The following SESN1 variants were observed in gnomAD, a reference collection of about 807,000 sequenced individuals.
SESN1 encodes sestrin 1.
SESN1 carries 30 observed loss-of-function variants against 59.3 expected under a neutral mutation model. The ratio of observed to expected loss-of-function variants is 0.51; its 90% confidence interval spans 0.38 to 0.69. The LOEUF (loss-of-function observed/expected upper bound fraction) is 0.69, where lower values mean the gene tolerates loss of function less well. SESN1 is among the 30% of genes least tolerant of loss of function. The probability of loss-of-function intolerance (pLI) is 0.00; values close to 1 mark genes in which losing one functional copy is unlikely to be tolerated. For synonymous variants in SESN1, 197 were observed against 219.9 expected, an observed-to-expected ratio of 0.90 and a Z score of 0.92; for missense variants, 566 against 673.0, an observed-to-expected ratio of 0.84 and a Z score of 1.76.
chr6:109,048,624 G>C lies in SESN1; in HGVS notation c.279+45171C>G, dbSNP rs141924323. 1.1e-3 allele frequency among the ~76,000 whole-genome samples: 161 copies of C among 152,236 alleles called. 1 individual carries two copies. Among genetic ancestry groups the C allele is most frequent in the African/African-American group, 3.5e-3 (146 of 41,538 alleles). On this transcript the variant is annotated intron_variant, in intron 1 of 9. Coordinates refer to ENST00000436639, the MANE Select transcript of SESN1 (RefSeq NM_014454.3). ...GGGGATAATATGGTGACAAGCCTGTGGGTAGATGGCCACAAGTAGGAGAAT... is the reference window on the plus strand; with the variant it reads ...GGGGATAATATGGTGACAAGCCTGTCGGTAGATGGCCACAAGTAGGAGAAT...
intron 8 of SESN1, among the ~76,000 whole-genome samples, chr6:108,989,521 AGAT>A (rs1779306515): frequency 6.7e-6 from 1 of 149,374 alleles, no homozygotes; most frequent in Non-Finnish European, 1.5e-5. Flanking sequence ...ATATATAGAG[AGAT>A]ATCTATAGAG....
intron 1 of SESN1, among the ~76,000 whole-genome samples, chr6:109,008,540 G>T (rs1219024320): frequency 1.3e-5 from 2 of 152,072 alleles, no homozygotes; most frequent in African/African-American, 4.8e-5. Context: ...CTCCATTAAA[G>T]AAATCACGAA....
At chr6:109,009,365 C>T (rs1193621348) in intron 1 of SESN1, 1 of 1,469,652 alleles carries the variant, frequency 6.8e-7, no homozygotes, top group African/African-American at 1.5e-5. Flanking sequence ...GTACCTCGTC[C>T]TGGTCGCGGC....
chr6:108,991,663 C>T (rs1182717715), intron 7 of SESN1, among the ~76,000 whole-genome samples: 1 of 152,150 alleles, frequency 6.6e-6, no homozygotes, highest in Non-Finnish European at 1.5e-5. Flanking sequence ...ATCTCCTTGC[C>T]TCCTTTCTTT....
chr6:109,029,325 T>TG (rs1780146171), intron 1 of SESN1, among the ~76,000 whole-genome samples: 1 of 152,222 alleles, frequency 6.6e-6, no homozygotes, highest in Non-Finnish European at 1.5e-5. Flanking sequence ...ACCAAAAAGT[T>TG]GGTCTCCAGA....
chr6:109,062,149 C>T (rs2114455707), intron 1 of SESN1, among the ~76,000 whole-genome samples: 1 of 152,286 alleles, frequency 6.6e-6, no homozygotes, highest in South Asian at 2.1e-4. Context: ...CTCAGCCTCC[C>T]AGGTAGCTGG....
chr6:109,083,395 C>G (rs1287655910), intron 1 of SESN1, among the ~76,000 whole-genome samples: 1 of 152,132 alleles, frequency 6.6e-6, no homozygotes, highest in Non-Finnish European at 1.5e-5. Context: ...AAATACATAG[C>G]CTTTTCTTTC....
intron 1 of SESN1, among the ~76,000 whole-genome samples, chr6:109,017,784 A>G (rs576388402): frequency 4.8e-4 from 73 of 152,340 alleles, no homozygotes; most frequent in Non-Finnish European, 8.8e-4. Flanking sequence ...AAACCTCTCT[A>G]GTTGTAATCC....
chr6:109,008,993 C>T (rs760385325), intron 1 of SESN1: 21 of 1,018,334 alleles, frequency 2.1e-5, no homozygotes, highest in Non-Finnish European at 2.3e-5. Context: ...GTTTCACCCT[C>T]AAGACTCGAG....
chr6:108,988,574 C>A lies in SESN1; in HGVS notation c.1538G>T (p.Ser513Ile). Residue 513 changes from serine (S) to isoleucine (I), a missense_variant, in exon 9 of 10, where the codon AGC becomes ATC. By Grantham distance (142) the Ser-to-Ile change is moderately radical. Coordinates refer to ENST00000436639, the MANE Select transcript of SESN1 (RefSeq NM_014454.3). The part of the protein sequence containing the change: ...PEKVTKRMYD[S>I]FWRQFKHSEK... Reference sequence around the variant, plus strand: ...AGAGTGCTTGAACTGCCTCCAGAAGCTATCATACATTCTTTTGGTAACCTT... The same window carrying A: ...AGAGTGCTTGAACTGCCTCCAGAAGATATCATACATTCTTTTGGTAACCTT... 1 of 1,612,486 alleles carries A rather than the reference C, an allele frequency of 6.2e-7. No homozygotes were observed. Among genetic ancestry groups the A allele is most frequent in the Non-Finnish European group, 8.5e-7 (1 of 1,179,384 alleles).
rs562206913 is a variant in SESN1, at chr6:109,076,365, T to G, written c.279+17430A>C. Among the ~76,000 whole-genome samples, 14 of 152,350 alleles carry G rather than the reference T, an allele frequency of 9.2e-5. No individual in the cohort carries two copies. In the South Asian group the frequency reaches 2.7e-3, roughly 29 times the overall value. ...AAGTTTTCAATACAGTATAAGTGTATGAGTTTGAATGTCAAGCATAGTAAC... is the reference window on the plus strand; with the variant it reads ...AAGTTTTCAATACAGTATAAGTGTAGGAGTTTGAATGTCAAGCATAGTAAC... On this transcript the variant is annotated intron_variant, in intron 1 of 9. Transcript: ENST00000436639.
chr6:109,074,443 T>C (rs1297795152), intron 1 of SESN1, among the ~76,000 whole-genome samples: 1 of 152,210 alleles, frequency 6.6e-6, no homozygotes, highest in Non-Finnish European at 1.5e-5. Flanking sequence ...TTCTCTGTCA[T>C]TGAAAAGCTC....
intron 1 of SESN1, among the ~76,000 whole-genome samples, chr6:109,026,854 A>G (rs1780102646): frequency 6.6e-6 from 1 of 151,972 alleles, no homozygotes; most frequent in African/African-American, 2.4e-5. Flanking sequence ...TAGTTGTACC[A>G]TTTTATATTA....
At chr6:108,998,779 T>C (rs1779555144) in intron 4 of SESN1, 24 bp from the exon 5 acceptor site, 2 of 1,587,468 alleles carry the variant, frequency 1.3e-6, no homozygotes, top group Admixed American at 1.8e-5. Flanking sequence ...AAAAAAAGAA[T>C]ATATTTTTGT....
intron 1 of SESN1, among the ~76,000 whole-genome samples, chr6:109,091,075 T>C (rs1040759161): frequency 5.9e-5 from 9 of 152,114 alleles, no homozygotes; most frequent in Admixed American, 2.0e-4. Context: ...CCGCCCAACT[T>C]AGTATAACTT....
intron 1 of SESN1, among the ~76,000 whole-genome samples, chr6:109,022,587 A>G (rs1373353701): frequency 6.6e-6 from 1 of 151,026 alleles, no homozygotes; most frequent in Non-Finnish European, 1.5e-5. Flanking sequence ...TTTTTGTATT[A>G]TTTATTTTTT....
At chr6:109,019,031 C>T (rs976912103) in intron 1 of SESN1, among the ~76,000 whole-genome samples, 1 of 151,988 alleles carries the variant, frequency 6.6e-6, no homozygotes, top group South Asian at 2.1e-4. Flanking sequence ...TAAAATAGCC[C>T]CACTGTTTTC....
In SESN1 at chr6:109,000,547, C is replaced by A. The variant is rs1032022376; in HGVS notation, c.673G>T (p.Glu225Ter). The change falls in exon 4 of 10, where the codon GAA becomes TAA. Residue 225 changes from glutamate to a stop codon, truncating the protein, a stop_gained. Coordinates refer to ENST00000436639, the MANE Select transcript of SESN1 (RefSeq NM_014454.3). LOFTEE classifies it high-confidence loss of function. ...CTATGGGCTAACACTTTGTTAAGTT[C>A]TCCTAAATTCTGTAGTTTTTGAGGA... is the stretch of plus-strand genomic sequence containing the variant. ...NAPQKLQNLGELNKVLAHRPW... is the reference protein window; with the variant it reads ...NAPQKLQNLG 6.2e-7 allele frequency: 1 copy of A among 1,611,118 alleles called. No individual in the cohort carries two copies. The highest frequency in any genetic ancestry group is 1.3e-5 in the African/African-American group (1 of 74,792).
Position 109,094,386 on chromosome 6 carries a change from G to A in SESN1, c.-313C>T. Reference sequence around the variant, plus strand: ...GGAAGCGTTCTCCTCCGTCTCGCGGGGTCAGTGGATATCCTCACGTTGTGG... The same window carrying A: ...GGAAGCGTTCTCCTCCGTCTCGCGGAGTCAGTGGATATCCTCACGTTGTGG... On this transcript the variant is annotated 5_prime_UTR_variant, in exon 1 of 10. Coordinates refer to ENST00000436639, the MANE Select transcript of SESN1 (RefSeq NM_014454.3). The A allele has an allele frequency of 7.8e-6, 3 of 385,740 alleles. No individual in the cohort carries two copies. Among genetic ancestry groups the A allele is most frequent in the Middle Eastern group, 1.5e-3 (2 of 1,342 alleles). 23.9% of individuals were successfully genotyped at this position (385,740 alleles called of 1,614,324 possible).
Sources: allele counts gnomAD v4.1 joint callset (sites outside exome capture counted in the v4.1 genomes callset), GRCh38; gene constraint gnomAD v4.1.1; transcripts MANE v1.5; gene names NCBI Gene and HGNC (gene_info 2026-07-23, HGNC 2026-07-21).